The following ALK variants were observed in gnomAD, a reference collection of about 807,000 sequenced individuals.
The protein encoded by ALK is ALK receptor tyrosine kinase, also known as ALK tyrosine kinase receptor.
ALK carries 74 observed loss-of-function variants against 163.1 expected under a neutral mutation model. The observed-to-expected ratio is 0.45, with a 90% CI of 0.38 to 0.55. ALK has a LOEUF of 0.55. Among genes scored for constraint, ALK ranks in the 20% least tolerant of loss-of-function variants. ALK has a pLI of 0.00. For synonymous variants in ALK, 960 were observed against 843.2 expected (o/e 1.14, Z -2.40); for missense variants, 2,063 against 2,105.3 (o/e 0.98, Z 0.39).
intron 4 of ALK, among the ~76,000 whole-genome samples, chr2:29,499,019 C>A (rs890346188): frequency 6.6e-6 from 1 of 152,120 alleles, no homozygotes; most frequent in Non-Finnish European, 1.5e-5. Flanking sequence ...AAAGAAAAGG[C>A]TTGTTAGTTA....
At chr2:29,207,925 C>A in intron 25 of ALK, 1 of 379,598 alleles carries the variant, frequency 2.6e-6, no homozygotes, top group South Asian at 1.9e-5. Context: ...AGGCCAATTG[C>A]ATGTCTAGCC....
intron 4 of ALK, among the ~76,000 whole-genome samples, chr2:29,446,163 C>T (rs369776706): frequency 6.6e-5 from 5 of 75,550 alleles, no homozygotes; most frequent in South Asian, 4.1e-4. Flanking sequence ...CAAAATAAAA[C>T]AAAACAAACA....
intron 1 of ALK, among the ~76,000 whole-genome samples, chr2:29,768,743 G>GTATA (rs1553359152): frequency 0.028 from 4,157 of 150,652 alleles, 70 homozygotes; most frequent in South Asian, 0.064. Context: ...GTGTGTGTGT[G>GTATA]TATATATGTA....
rs1665459436 is a variant in ALK, at chr2:29,832,935, T to C, written c.667+87058A>G. ...AGAAGGCGGCAGTTGAGCTGGGCTC[T>C]AAAGTATGTGTAGGGATTGACAGGG... On this transcript the variant is annotated intron_variant, in intron 1 of 28. Coordinates refer to ENST00000389048, the MANE Select transcript of ALK (RefSeq NM_004304.5). Among the ~76,000 whole-genome samples the C allele has an allele frequency of 3.3e-5, 5 of 152,208 alleles. 2 individuals carry two copies. Among genetic ancestry groups the C allele is most frequent in the Admixed American group, 3.3e-4 (5 of 15,288 alleles).
At chr2:29,749,807 TC>T (rs1270339457) in intron 1 of ALK, among the ~76,000 whole-genome samples, 6 of 152,180 alleles carry the variant, frequency 3.9e-5, no homozygotes, top group Non-Finnish European at 1.5e-5. Context: ...ATTGAGATCT[TC>T]CCCAAATTTA....
At chr2:29,196,903 T>A (rs766513924) in intron 27 of ALK, 43 bp from the exon 28 acceptor site, 15 of 1,495,440 alleles carry the variant, frequency 1.0e-5, no homozygotes, top group African/African-American at 1.4e-5. Context: ...AGAAGCACAA[T>A]GATGAAAAAT....
At chr2:29,400,765 G>A (rs58278321) in intron 4 of ALK, among the ~76,000 whole-genome samples, 1,799 of 152,182 alleles carry the variant, frequency 0.012, 28 homozygotes, top group African/African-American at 0.041. Flanking sequence ...ATCTGAGGTT[G>A]GGAGTTCGAG....
At chr2:29,758,816 G>A (rs1442845756) in intron 1 of ALK, among the ~76,000 whole-genome samples, 1 of 152,112 alleles carries the variant, frequency 6.6e-6, no homozygotes, top group African/African-American at 2.4e-5. Flanking sequence ...TTTCAGATTT[G>A]CCTTGAAGAG....
intron 3 of ALK, among the ~76,000 whole-genome samples, chr2:29,648,177 T>C (rs1300247636): frequency 6.6e-5 from 10 of 152,146 alleles, no homozygotes; most frequent in African/African-American, 2.4e-4. Context: ...CTACCCCAAT[T>C]TAGTTTTAGG....
At chr2:29,579,484 A>G (rs1033801078) in intron 3 of ALK, among the ~76,000 whole-genome samples, 1 of 152,208 alleles carries the variant, frequency 6.6e-6, no homozygotes, top group African/African-American at 2.4e-5. Context: ...GTGATAGCAA[A>G]TGTTCAGCTA....
chr2:29,645,294 C>CA (rs1447033035), intron 3 of ALK, among the ~76,000 whole-genome samples: 8 of 151,922 alleles, frequency 5.3e-5, no homozygotes, highest in African/African-American at 1.9e-4. Flanking sequence ...GGAACAAAAC[C>CA]AAAAATACAA....
At chr2:29,515,720 C>T (rs1672643162) in intron 4 of ALK, among the ~76,000 whole-genome samples, 1 of 152,032 alleles carries the variant, frequency 6.6e-6, no homozygotes, top group Non-Finnish European at 1.5e-5. Context: ...TAACATTACT[C>T]TCATCAAAAT....
chr2:29,910,935 A>C (rs1667684502), intron 1 of ALK, among the ~76,000 whole-genome samples: 1 of 152,208 alleles, frequency 6.6e-6, no homozygotes, highest in Non-Finnish European at 1.5e-5. Flanking sequence ...AGTCCTGTTC[A>C]TCCTGTTCTT....
intron 1 of ALK, among the ~76,000 whole-genome samples, chr2:29,752,249 G>A (rs1272964874): frequency 6.6e-6 from 1 of 151,882 alleles, no homozygotes; most frequent in African/African-American, 2.4e-5. Context: ...ATAAACTTGT[G>A]TAAGTGTTCC....
intron 4 of ALK, among the ~76,000 whole-genome samples, chr2:29,519,688 T>C (rs1672761789): frequency 6.6e-6 from 1 of 152,152 alleles, no homozygotes; most frequent in Non-Finnish European, 1.5e-5. Flanking sequence ...GTCATCTGGA[T>C]CTACTGAGAG....
intron 3 of ALK, among the ~76,000 whole-genome samples, chr2:29,657,865 G>A (rs548216043): frequency 6.6e-6 from 1 of 152,140 alleles, no homozygotes; most frequent in Non-Finnish European, 1.5e-5. Context: ...TTGGCAACTG[G>A]TGTTAGGGAA....
chr2:29,846,452 T>C (rs895700440), intron 1 of ALK, among the ~76,000 whole-genome samples: 3 of 152,352 alleles, frequency 2.0e-5, no homozygotes, highest in East Asian at 1.9e-4. Context: ...ATTAGCTCCA[T>C]GAGAACAAGA....
intron 4 of ALK, among the ~76,000 whole-genome samples, chr2:29,458,252 C>T (rs552732761): frequency 9.2e-5 from 14 of 152,214 alleles, no homozygotes; most frequent in Middle Eastern, 3.4e-3. Flanking sequence ...AGTTATGTAA[C>T]TTGGGACACA....
At chr2:29,848,544 C>A (rs1665907636) in intron 1 of ALK, among the ~76,000 whole-genome samples, 1 of 152,134 alleles carries the variant, frequency 6.6e-6, no homozygotes, top group African/African-American at 2.4e-5. Flanking sequence ...TGTTTTAATA[C>A]CTAGCCTGTA....
Sources: gnomAD v4.1 joint callset for allele counts (sites outside exome capture counted in the v4.1 genomes callset) on GRCh38, gnomAD v4.1.1 for gene constraint, MANE v1.5 for transcripts, NCBI Gene and HGNC (gene_info 2026-07-23, HGNC 2026-07-21) for gene names.